ADTRP: variants seen among roughly 807,000 people sequenced by gnomAD.
The protein encoded by ADTRP is androgen dependent TFPI regulating protein, also known as androgen-dependent TFPI-regulating protein.
Under a neutral mutation model 27.0 loss-of-function variants are expected in ADTRP, and 20 were observed. The ratio of observed to expected loss-of-function variants is 0.74; its 90% CI spans 0.52 to 1.08. The LOEUF is 1.08. Ranked by LOEUF, ADTRP falls within the 50% of genes least tolerant of loss-of-function variation. The pLI is 0.00. For missense variants in ADTRP, 251 were observed against 275.0 expected, an observed-to-expected ratio of 0.91 and a Z score of 0.62; for synonymous variants, 101 against 105.2, an observed-to-expected ratio of 0.96 and a Z score of 0.25.
At chr6:11,715,986 T>A (rs1252384772) in intron 5 of ADTRP, among the ~76,000 whole-genome samples, 1 of 152,042 alleles carries the variant, frequency 6.6e-6, no homozygotes, top group African/African-American at 2.4e-5. Flanking sequence ...TTTTCCATTT[T>A]TGATGTGAAT....
chr6:11,730,418 C>A (rs1581321144), intron 4 of ADTRP, among the ~76,000 whole-genome samples: 1 of 152,066 alleles, frequency 6.6e-6, no homozygotes, highest in East Asian at 1.9e-4. Flanking sequence ...TGGTTCTGAG[C>A]AGGACCAACC....
At chr6:11,765,826 T>C (rs1763554152) in intron 3 of ADTRP, among the ~76,000 whole-genome samples, 1 of 152,174 alleles carries the variant, frequency 6.6e-6, no homozygotes, top group African/African-American at 2.4e-5. Context: ...AATATGTAAA[T>C]GTTAATCCCA....
intron 3 of ADTRP, among the ~76,000 whole-genome samples, chr6:11,743,381 C>A (rs769687474): frequency 6.6e-6 from 1 of 152,186 alleles, no homozygotes; most frequent in Non-Finnish European, 1.5e-5. Context: ...ATCTATCTTT[C>A]TTCCTGTGCC....
intron 3 of ADTRP, among the ~76,000 whole-genome samples, chr6:11,765,006 G>C (rs754416741): frequency 2.0e-5 from 3 of 152,052 alleles, no homozygotes; most frequent in Non-Finnish European, 4.4e-5. Flanking sequence ...GTTGAGAGGA[G>C]GAGGGTTCCT....
At chr6:11,750,054 G>C (rs555859825) in intron 3 of ADTRP, among the ~76,000 whole-genome samples, 10 of 152,300 alleles carry the variant, frequency 6.6e-5, no homozygotes, top group African/African-American at 2.4e-4. Context: ...CTGGAGGCCA[G>C]AGAACAGGAC....
chr6:11,758,575 T>TTGG lies in ADTRP; in HGVS notation c.390+7698_390+7699insCCA, dbSNP rs67836687. On this transcript the variant is annotated intron_variant, in intron 3 of 5. Coordinates refer to ENST00000414691, the MANE Select transcript of ADTRP (RefSeq NM_032744.4). ...TCACACACCGGGGACTGTTGTGGGG[T>TTGG]GGGGGGGGGGGACGGATAGCATTAG... Among the ~76,000 whole-genome samples the TTGG allele has an allele frequency of 7.1e-4, 21 of 29,448 alleles. 3 individuals carry two copies. The highest frequency in any genetic ancestry group is 1.9e-3 in the East Asian group (2 of 1,026). 19.3% of individuals were successfully genotyped at this position (29,448 alleles called of 152,430 possible).
chr6:11,727,006 C>A (rs1291876289), intron 4 of ADTRP, among the ~76,000 whole-genome samples: 1 of 152,094 alleles, frequency 6.6e-6, no homozygotes, highest in African/African-American at 2.4e-5. Context: ...TAATTATCAT[C>A]ATTGTTACTA....
At chr6:11,720,918 A>C (rs2113872262) in intron 5 of ADTRP, among the ~76,000 whole-genome samples, 1 of 152,266 alleles carries the variant, frequency 6.6e-6, no homozygotes, top group South Asian at 2.1e-4. Context: ...CCTAGGAAAA[A>C]AGGCCCTTGG....
chr6:11,753,481 C>A (rs1001412697), intron 3 of ADTRP, among the ~76,000 whole-genome samples: 2 of 152,160 alleles, frequency 1.3e-5, no homozygotes, highest in African/African-American at 4.8e-5. Context: ...AAATATTCAA[C>A]AAATATTTCT....
intron 5 of ADTRP, among the ~76,000 whole-genome samples, chr6:11,721,083 A>G (rs944646520): frequency 1.3e-4 from 20 of 152,220 alleles, no homozygotes; most frequent in African/African-American, 4.8e-4. Flanking sequence ...TCATGATAAA[A>G]TGGTAAGTCT....
At chr6:11,748,100 T>C (rs908809681) in intron 3 of ADTRP, among the ~76,000 whole-genome samples, 3 of 152,216 alleles carry the variant, frequency 2.0e-5, no homozygotes, top group Non-Finnish European at 2.9e-5. Flanking sequence ...TATATGTAAT[T>C]ATGACTCTAT....
At chr6:11,774,457 G>C (rs1201616762) in intron 1 of ADTRP, among the ~76,000 whole-genome samples, 1 of 152,130 alleles carries the variant, frequency 6.6e-6, no homozygotes, top group Non-Finnish European at 1.5e-5. Context: ...GACCCATAGA[G>C]GCCTCCCAGC....
chr6:11,763,368 G>T (rs1763451508), intron 3 of ADTRP, among the ~76,000 whole-genome samples: 1 of 152,218 alleles, frequency 6.6e-6, no homozygotes, highest in Non-Finnish European at 1.5e-5. Flanking sequence ...TGGCAATGGG[G>T]AAAATATTCC....
chr6:11,721,469 A>G (rs1762022710), intron 5 of ADTRP, among the ~76,000 whole-genome samples: 1 of 152,222 alleles, frequency 6.6e-6, no homozygotes, highest in Admixed American at 6.5e-5. Context: ...CAGCAATGTA[A>G]AAGTGTTCAC....
At chr6:11,757,368 C>T (rs923659968) in intron 3 of ADTRP, among the ~76,000 whole-genome samples, 6 of 152,296 alleles carry the variant, frequency 3.9e-5, no homozygotes, top group Middle Eastern at 3.4e-3. Context: ...ATCTCCTTTG[C>T]CTACAGAATA....
At position 11,735,684 on chromosome 6, in the gene ADTRP, C is replaced by T; in HGVS notation, c.391-1G>A. On this transcript the variant is annotated splice_acceptor_variant, in intron 3 of 5. Coordinates refer to ENST00000414691, the MANE Select transcript of ADTRP (RefSeq NM_032744.4). LOFTEE classifies it high-confidence loss of function. ...ATGTGATGGGGAATATGAAAGTGTGCTGCAGGAGAGAAAATGGCAAATCAG... is the reference window on the plus strand; with the variant it reads ...ATGTGATGGGGAATATGAAAGTGTGTTGCAGGAGAGAAAATGGCAAATCAG... The T allele has an allele frequency of 6.2e-7, 1 of 1,607,984 alleles. No individual in the cohort carries two copies. Among genetic ancestry groups the T allele is most frequent in the Non-Finnish European group, 8.5e-7 (1 of 1,174,612 alleles).
chr6:11,720,472 A>AC (rs55911324), intron 5 of ADTRP, among the ~76,000 whole-genome samples: 66,487 of 142,442 alleles, frequency 0.47, 16,391 homozygotes, highest in Non-Finnish European at 0.58. Context: ...TGAGGGATAT[A>AC]CCCTTTTCTT....
At chr6:11,744,490 C>T (rs1424368128) in intron 3 of ADTRP, among the ~76,000 whole-genome samples, 1 of 152,196 alleles carries the variant, frequency 6.6e-6, no homozygotes, top group Non-Finnish European at 1.5e-5. Flanking sequence ...TGAGCAGGAG[C>T]TGGCAGCCCT....
intron 5 of ADTRP, among the ~76,000 whole-genome samples, chr6:11,718,578 T>C (rs546409879): frequency 1.1e-4 from 16 of 152,358 alleles, no homozygotes; most frequent in African/African-American, 3.1e-4. Context: ...GTCATGGTCA[T>C]GGTGAGCCAA....
Sources: allele counts gnomAD v4.1 joint callset (sites outside exome capture counted in the v4.1 genomes callset), GRCh38; gene constraint gnomAD v4.1.1; transcripts MANE v1.5; gene names NCBI Gene and HGNC (gene_info 2026-07-23, HGNC 2026-07-21).